RAB7A: variants seen among roughly 807,000 people sequenced by gnomAD.
RAB7A encodes ras-related protein Rab-7a.
RAB7A carries 2 observed loss-of-function variants against 24.5 expected under a neutral mutation model. That is an observed-to-expected ratio of 0.08 (90% CI 0.03 to 0.26). The LOEUF is 0.26. Among genes scored for constraint, RAB7A ranks in the 10% least tolerant of loss-of-function variants. The pLI is 1.00. For synonymous variants in RAB7A, 100 were observed against 95.9 expected, an observed-to-expected ratio of 1.04 and a Z score of -0.25; for missense variants, 118 against 255.7, an observed-to-expected ratio of 0.46 and a Z score of 3.67.
chr3:128,797,825 G>A (rs1313003502), intron 2 of RAB7A, 118 bp from the exon 3 acceptor site: 1 of 1,177,796 alleles, frequency 8.5e-7, no homozygotes, highest in Admixed American at 1.7e-5. Flanking sequence ...GCCCTTTGCT[G>A]TGAGGGCAGT....
At chr3:128,777,656 G>C (rs766850380) in intron 1 of RAB7A, among the ~76,000 whole-genome samples, 6 of 152,138 alleles carry the variant, frequency 3.9e-5, no homozygotes, top group Non-Finnish European at 8.8e-5. Context: ...GTAAAAATTT[G>C]CATTGAAGTT....
Position 128,813,878 on chromosome 3 carries a change from A to ATGATAC in RAB7A, c.*456_*457insTGATAC. 3.9e-6 allele frequency: 1 copy of ATGATAC among 257,072 alleles called. No individual in the cohort carries two copies. The highest frequency in any genetic ancestry group is 9.5e-5 in the East Asian group (1 of 10,480). The allele number at this position is 257,072 out of a possible 1,614,324, so 15.9% of individuals were successfully genotyped here. A position where few individuals can be genotyped will look rare whatever the true frequency, so the allele number is the denominator to read the frequency against. On this transcript the variant is annotated 3_prime_UTR_variant, in exon 6 of 6. Transcript: ENST00000265062. ...CCCCCCCTTTCCCCTCCCTCCTTGA[A>ATGATAC]GGCTACCCCTTGGGAAGGCTGGTGC... is the stretch of plus-strand genomic sequence containing the variant.
intron 1 of RAB7A, chr3:128,765,055 G>A (rs968099455): frequency 5.9e-5 from 70 of 1,192,176 alleles, no homozygotes; most frequent in Admixed American, 7.4e-5. Context: ...GTGGCTGCGC[G>A]GCGCTGGAGC....
At position 128,813,689 on chromosome 3, in the gene RAB7A, AG is replaced by A. The variant is rs2107618601; in HGVS notation, c.*268del. The A allele has an allele frequency of 2.0e-6, 1 of 510,884 alleles. No individual in the cohort carries two copies. The highest frequency in any genetic ancestry group is 1.9e-5 in the African/African-American group (1 of 51,938). 31.6% of individuals were successfully genotyped at this position (510,884 alleles called of 1,614,324 possible). On this transcript the variant is annotated 3_prime_UTR_variant, in exon 6 of 6. Coordinates refer to ENST00000265062, the MANE Select transcript of RAB7A (RefSeq NM_004637.6). ...TGGGGTCTGCCTGCCCACCCACATG[AG>A]CCCGCGAGTATGGCAGCAGGACAAG... is the stretch of plus-strand genomic sequence containing the variant.
At position 128,813,544 on chromosome 3, in the gene RAB7A, A is replaced by G; in HGVS notation, c.*122A>G. The stretch of plus-strand genomic sequence containing the variant: ...ATTGATCTCTCACATCCAGCTGCCA[A>G]AAGAAAACCCCATCAAACACAGTTA... On this transcript the variant is annotated 3_prime_UTR_variant, in exon 6 of 6. Transcript: ENST00000265062. 1.1e-6 allele frequency: 1 copy of G among 907,724 alleles called. No individual in the cohort carries two copies. Among genetic ancestry groups the G allele is most frequent in the African/African-American group, 1.6e-5 (1 of 61,196 alleles). 56.2% of individuals were successfully genotyped at this position (907,724 alleles called of 1,614,324 possible).
intron 1 of RAB7A, among the ~76,000 whole-genome samples, chr3:128,755,761 A>G (rs1396936511): frequency 1.3e-5 from 2 of 152,096 alleles, no homozygotes; most frequent in Non-Finnish European, 2.9e-5. Context: ...TTCATGAATA[A>G]TGGTAATGAT....
chr3:128,805,739 G>A (rs895408976), intron 3 of RAB7A, among the ~76,000 whole-genome samples: 2 of 151,930 alleles, frequency 1.3e-5, no homozygotes, highest in Non-Finnish European at 2.9e-5. Context: ...CGCAACCTGC[G>A]CCTCCCAGGT....
chr3:128,739,841 G>A (rs1049390733), intron 1 of RAB7A, among the ~76,000 whole-genome samples: 1 of 152,170 alleles, frequency 6.6e-6, no homozygotes, highest in South Asian at 2.1e-4. Context: ...AGGCCAAGGC[G>A]GGTGGATCAC....
intron 1 of RAB7A, among the ~76,000 whole-genome samples, chr3:128,768,132 G>A (rs1322222476): frequency 6.6e-6 from 1 of 151,930 alleles, no homozygotes; most frequent in South Asian, 2.1e-4. Context: ...TTTCTAGTTC[G>A]CATTTTCTGG....
intron 4 of RAB7A, 24 bp downstream of exon 4, chr3:128,806,614 T>C: frequency 6.3e-7 from 1 of 1,598,562 alleles, no homozygotes; most frequent in South Asian, 1.1e-5. Flanking sequence ...ATGATAGATA[T>C]TGTCACAGAC....
intron 1 of RAB7A, among the ~76,000 whole-genome samples, chr3:128,777,136 T>G (rs569161583): frequency 4.6e-4 from 70 of 152,340 alleles, no homozygotes; most frequent in Middle Eastern, 6.8e-3. Context: ...GATATATGTT[T>G]TGCAAATATA....
intron 1 of RAB7A, among the ~76,000 whole-genome samples, chr3:128,746,676 A>G (rs1335345769): frequency 6.6e-6 from 1 of 151,850 alleles, no homozygotes; most frequent in Non-Finnish European, 1.5e-5. Flanking sequence ...CTACAGGCAC[A>G]TGCCACCACG....
chr3:128,794,616 G>T (rs77502641), intron 1 of RAB7A, among the ~76,000 whole-genome samples: 1 of 152,260 alleles, frequency 6.6e-6, no homozygotes, highest in East Asian at 1.9e-4. Flanking sequence ...AATTACAGCA[G>T]GAGCCCTGTC....
chr3:128,757,387 G>A (rs2070738964), intron 1 of RAB7A, among the ~76,000 whole-genome samples: 1 of 152,106 alleles, frequency 6.6e-6, no homozygotes. Flanking sequence ...TGCAGGAGAG[G>A]GAACAAGTGT....
intron 2 of RAB7A, 48 bp downstream of exon 2, chr3:128,795,468 C>G (rs764924961): frequency 6.5e-7 from 1 of 1,543,476 alleles, no homozygotes; most frequent in South Asian, 1.1e-5. Flanking sequence ...AGAGCTAAGC[C>G]TCTCTGCTGT....
At chr3:128,777,547 T>TAG (rs1027507568) in intron 1 of RAB7A, among the ~76,000 whole-genome samples, 1 of 152,204 alleles carries the variant, frequency 6.6e-6, no homozygotes, top group Admixed American at 6.5e-5. Context: ...CAAAACTCCT[T>TAG]AGAACTCCTC....
At chr3:128,803,171 A>G (rs1250117993) in intron 3 of RAB7A, among the ~76,000 whole-genome samples, 1 of 152,198 alleles carries the variant, frequency 6.6e-6, no homozygotes, top group African/African-American at 2.4e-5. Context: ...GAACCAGAGG[A>G]TTCAAGACCT....
intron 2 of RAB7A, among the ~76,000 whole-genome samples, chr3:128,795,750 G>GGTTTTTTTTTTTTTTTT (rs1491091651): frequency 1.5e-4 from 1 of 6,876 alleles, no homozygotes; most frequent in Admixed American, 2.3e-3. Context: ...TAGCAGATGT[G>GGTTTTTTTTTTTTTTTT]CTTTTTTTTT....
chr3:128,796,316 A>G (rs1414460407), intron 2 of RAB7A, among the ~76,000 whole-genome samples: 3 of 151,734 alleles, frequency 2.0e-5, no homozygotes, highest in African/African-American at 7.3e-5. Context: ...AAATTTAGCC[A>G]GGTGCCGTAC....
Sources: allele counts gnomAD v4.1 joint callset (sites outside exome capture counted in the v4.1 genomes callset), GRCh38; gene constraint gnomAD v4.1.1; transcripts MANE v1.5; gene names NCBI Gene and HGNC (gene_info 2026-07-23, HGNC 2026-07-21).